The following ABR variants were observed in gnomAD, a reference collection of about 807,000 sequenced individuals.
ABR encodes active breakpoint cluster region-related protein.
A neutral mutation model predicts 107.2 loss-of-function variants in ABR; 35 were observed. The observed-to-expected ratio is 0.33, with a 90% CI of 0.25 to 0.43. ABR has a LOEUF of 0.43. Among genes scored for constraint, ABR ranks in the 20% least tolerant of loss-of-function variants. ABR has a pLI of 1.00. For missense variants in ABR, 815 were observed against 1,115.2 expected (o/e 0.73, Z 3.83); for synonymous variants, 498 against 462.0 (o/e 1.08, Z -1.00).
chr17:1,213,723 G>A (rs2042947742), intron 1 of ABR, among the ~76,000 whole-genome samples: 1 of 151,530 alleles, frequency 6.6e-6, no homozygotes, highest in Non-Finnish European at 1.5e-5. Context: ...AAGTCCTTCT[G>A]TGCTAGCTTC....
rs116891434 is a variant in ABR, at chr17:1,166,856, G to C, written c.61+12811C>G. ...CTCTACTAAAAATACAGAAACATTA[G>C]CTGGGCATGGTGGCACGCGCCTGTA... On this transcript the variant is annotated intron_variant, in intron 1 of 22. Coordinates refer to ENST00000302538, the MANE Select transcript of ABR (RefSeq NM_021962.5). Among the ~76,000 whole-genome samples, 718 of 152,254 alleles carry C rather than the reference G, an allele frequency of 4.7e-3. 22 individuals carry two copies. The East Asian group carries it at 0.054, about 11-fold the overall frequency.
intron 16 of ABR, among the ~76,000 whole-genome samples, chr17:1,046,283 C>T (rs1485822916): frequency 7.6e-6 from 1 of 132,190 alleles, no homozygotes; most frequent in East Asian, 2.0e-4. Context: ...GGATTACAGG[C>T]GTGGGCCCCA....
chr17:1,082,424 G>T (rs1348669980), intron 5 of ABR, among the ~76,000 whole-genome samples: 1 of 152,118 alleles, frequency 6.6e-6, no homozygotes, highest in Non-Finnish European at 1.5e-5. Flanking sequence ...AGAAGCACGC[G>T]TGTTCCCAGC....
chr17:1,194,240 T>C lies in ABR; in HGVS notation c.838+34553A>G, dbSNP rs962855508. Among the ~76,000 whole-genome samples, 6 of 151,730 alleles carry C rather than the reference T, an allele frequency of 4.0e-5. 1 individual carries two copies. In the East Asian group the frequency reaches 9.9e-4, roughly 25 times the overall value. ...TCTCTCTCTGTCGCCCAGGCTGGAG[T>C]GCAATGGCACGATCTTGGCTCACTG... On this transcript the variant is annotated intron_variant, in intron 1 of 22. Transcript: ENST00000574139.
At chr17:1,195,660 C>T (rs1292677908) in intron 1 of ABR, among the ~76,000 whole-genome samples, 1 of 151,168 alleles carries the variant, frequency 6.6e-6, no homozygotes, top group Non-Finnish European at 1.5e-5. Context: ...ACAAATTAGC[C>T]GGGCGTGGTG....
At position 1,116,609 on chromosome 17, in the gene ABR, C is replaced by G. The variant is rs2440057; in HGVS notation, c.246+8574G>C. On this transcript the variant is annotated intron_variant, in intron 2 of 22. Transcript: ENST00000302538. ...GTGAATGTAGGAGGGCCAGAGAGGA[C>G]GGGAGCCAGCGATGACGGGACCCAG... Among the ~76,000 whole-genome samples the G allele has an allele frequency of 5.7e-3, 871 of 151,994 alleles. 17 individuals are homozygous for G. The highest frequency in any genetic ancestry group is 0.025 in the South Asian group (120 of 4,826).
intron 2 of ABR, chr17:1,109,125 G>GAGGAGGGAGGAGGGAGGAGGC (rs2038478746): frequency 4.7e-6 from 7 of 1,503,324 alleles, no homozygotes; most frequent in South Asian, 1.3e-5. Flanking sequence ...GCGGCGGCGG[G>GAGGAGGGAGGAGGGAGGAGGC]AGGAGGGAGG....
chr17:1,012,499 C>A, intron 18 of ABR, 189 bp downstream of exon 18: 1 of 701,354 alleles, frequency 1.4e-6, no homozygotes. Flanking sequence ...TGCTGGCTCG[C>A]GTGCTTCTGA....
intron 4 of ABR, among the ~76,000 whole-genome samples, chr17:1,086,366 T>A (rs1270960829): frequency 6.6e-6 from 1 of 152,164 alleles, no homozygotes; most frequent in African/African-American, 2.4e-5. Flanking sequence ...TGAACATGGA[T>A]GCACCCGATT....
chr17:1,062,622 T>A (rs1480487684), intron 10 of ABR, among the ~76,000 whole-genome samples: 15 of 144,170 alleles, frequency 1.0e-4, no homozygotes, highest in Non-Finnish European at 1.6e-4. Context: ...GACACTGTTG[T>A]TATGTGAACT....
intron 1 of ABR, among the ~76,000 whole-genome samples, chr17:1,211,409 C>T (rs1180368430): frequency 6.6e-6 from 1 of 152,218 alleles, no homozygotes; most frequent in Non-Finnish European, 1.5e-5. Flanking sequence ...CGATCTTCTT[C>T]TGCTGTTCCT....
chr17:1,192,593 A>G (rs1326264281), intron 1 of ABR, among the ~76,000 whole-genome samples: 1 of 151,770 alleles, frequency 6.6e-6, no homozygotes, highest in East Asian at 1.9e-4. Context: ...CCTGGCCAAC[A>G]TGGTGAAATC....
At chr17:1,164,500 A>G (rs916756650) in intron 1 of ABR, among the ~76,000 whole-genome samples, 1 of 151,858 alleles carries the variant, frequency 6.6e-6, no homozygotes, top group Admixed American at 6.6e-5. Flanking sequence ...ATCCAGACTC[A>G]GGGACCCCAG....
chr17:1,212,897 A>AG (rs1394203527), intron 1 of ABR, among the ~76,000 whole-genome samples: 1 of 152,008 alleles, frequency 6.6e-6, no homozygotes, highest in African/African-American at 2.4e-5. Flanking sequence ...TAAAAAAAAA[A>AG]AAGAGAGAGA....
At chr17:1,226,391 A>G (rs972604977) in intron 1 of ABR, among the ~76,000 whole-genome samples, 6 of 151,958 alleles carry the variant, frequency 3.9e-5, no homozygotes, top group African/African-American at 1.2e-4. Flanking sequence ...GTACATGTGC[A>G]GGTGTCTGTG....
At position 1,075,392 on chromosome 17, in the gene ABR, G is replaced by A. The variant is rs369859271; in HGVS notation, c.701-1715C>T. Reference sequence around the variant, plus strand: ...GACAGGTCCCAGCGTGAACACGCACGCCCTAGCCGGGCCCCAAACCTGATA... The same window carrying A: ...GACAGGTCCCAGCGTGAACACGCACACCCTAGCCGGGCCCCAAACCTGATA... On this transcript the variant is annotated intron_variant, in intron 6 of 22. Coordinates refer to ENST00000302538, the MANE Select transcript of ABR (RefSeq NM_021962.5). Among the ~76,000 whole-genome samples, 121 of 152,362 alleles carry A rather than the reference G, an allele frequency of 7.9e-4. 2 individuals are homozygous for A. In the South Asian group the frequency reaches 0.021, roughly 27 times the overall value.
chr17:1,173,259 C>T (rs376845289), intron 1 of ABR, among the ~76,000 whole-genome samples: 280 of 101,978 alleles, frequency 2.7e-3, no homozygotes, highest in Middle Eastern at 7.8e-3. Context: ...ATCACCTCAG[C>T]CCACCCAACA....
At chr17:1,164,050 G>GACA (rs2041407176) in intron 1 of ABR, among the ~76,000 whole-genome samples, 1 of 9,116 alleles carries the variant, frequency 1.1e-4, no homozygotes, top group Non-Finnish European at 2.5e-4. Context: ...CATCTAGGTG[G>GACA]GACCCTGGCA....
At position 1,091,644 on chromosome 17, in the gene ABR, C is replaced by T. The variant is rs370221620; in HGVS notation, c.531+21G>A. On this transcript the variant is annotated intron_variant, in intron 4 of 22. Transcript: ENST00000302538. Reference sequence around the variant, plus strand: ...TCCACTGAGGCCCTGCGTGAGGACCCTCCATCCCTGGCAGACTCACCAGCT... The same window carrying T: ...TCCACTGAGGCCCTGCGTGAGGACCTTCCATCCCTGGCAGACTCACCAGCT... 3 of 1,607,438 alleles carry T rather than the reference C, an allele frequency of 1.9e-6. No individual in the cohort carries two copies. The African/African-American group carries it at 4.0e-5, about 21-fold the overall frequency.
Sources: allele counts gnomAD v4.1 joint callset (sites outside exome capture counted in the v4.1 genomes callset), GRCh38; gene constraint gnomAD v4.1.1; transcripts MANE v1.5; gene names NCBI Gene and HGNC (gene_info 2026-07-23, HGNC 2026-07-21).